SCN1A: variants seen among roughly 807,000 people sequenced by gnomAD.
The protein encoded by SCN1A is sodium channel protein type 1 subunit alpha.
SCN1A carries 13 observed loss-of-function variants against 193.7 expected under a neutral mutation model. The ratio of observed to expected loss-of-function variants is 0.07; its 90% CI spans 0.04 to 0.11. The LOEUF (loss-of-function observed/expected upper bound fraction) is 0.11. Among genes scored for constraint, SCN1A ranks in the 10% least tolerant of loss-of-function variants. The pLI is 1.00. For missense variants in SCN1A, 1,432 were observed against 2,451.1 expected (o/e 0.58, Z 8.78); for synonymous variants, 781 against 843.6 (o/e 0.93, Z 1.29).
chr2:166,052,294 T>G (rs190300435), intron 8 of SCN1A, among the ~76,000 whole-genome samples: 74 of 152,132 alleles, frequency 4.9e-4, no homozygotes, highest in Admixed American at 1.9e-3. Flanking sequence ...CTACTGAAAC[T>G]TGTCTCATAT....
chr2:166,030,220 C>T (rs552749074), intron 19 of SCN1A, among the ~76,000 whole-genome samples: 1 of 152,296 alleles, frequency 6.6e-6, no homozygotes, highest in South Asian at 2.1e-4. Flanking sequence ...GGACCAACCA[C>T]TTACTGTTTG....
At chr2:166,144,430 T>C (rs1191857400) in intron 1 of SCN1A, among the ~76,000 whole-genome samples, 5 of 152,200 alleles carry the variant, frequency 3.3e-5, no homozygotes, top group Admixed American at 3.3e-4. Flanking sequence ...CCTATTCCCA[T>C]GGAGTTTTTT....
At chr2:166,015,292 G>A (rs892081549) in intron 20 of SCN1A, among the ~76,000 whole-genome samples, 2 of 151,856 alleles carry the variant, frequency 1.3e-5, no homozygotes, top group Non-Finnish European at 2.9e-5. Context: ...CAAATTCTGT[G>A]TAGGATCATT....
chr2:166,104,790 C>T (rs982305210), intron 2 of SCN1A, among the ~76,000 whole-genome samples: 1 of 152,018 alleles, frequency 6.6e-6, no homozygotes, highest in Non-Finnish European at 1.5e-5. Flanking sequence ...ACTATGAGAC[C>T]GCCAAATGAT....
intron 2 of SCN1A, among the ~76,000 whole-genome samples, chr2:166,110,359 A>G (rs766670545): frequency 2.4e-4 from 36 of 152,194 alleles, no homozygotes; most frequent in Non-Finnish European, 2.9e-4. Context: ...TGAATGAAAA[A>G]GAAATATTCT....
chr2:166,085,990 G>C (rs764540629), intron 2 of SCN1A, among the ~76,000 whole-genome samples: 1 of 152,064 alleles, frequency 6.6e-6, no homozygotes, highest in Non-Finnish European at 1.5e-5. Context: ...TAAATTTTCT[G>C]TATGTTATTT....
chr2:166,009,657 T>G, intron 23 of SCN1A, 62 bp downstream of exon 23: 1 of 1,507,210 alleles, frequency 6.6e-7, no homozygotes, highest in Non-Finnish European at 8.9e-7. Flanking sequence ...TTCCTTTTTC[T>G]AAATTTAATT....
At chr2:166,012,412 CTT>C (rs576265429) in intron 21 of SCN1A, 130 bp from the exon 22 acceptor site, 74 of 551,846 alleles carry the variant, frequency 1.3e-4, no homozygotes, top group Non-Finnish European at 1.6e-4. Flanking sequence ...GTTACTGTTA[CTT>C]TTTTTTTTTC....
At chr2:166,077,477 A>G (rs994445011) in intron 3 of SCN1A, among the ~76,000 whole-genome samples, 1 of 151,970 alleles carries the variant, frequency 6.6e-6, no homozygotes, top group Non-Finnish European at 1.5e-5. Flanking sequence ...CCCCACATCC[A>G]TCATATGTCA....
chr2:166,120,589 C>CTTTTCTCTTTTTTT (rs1558889846), intron 2 of SCN1A, among the ~76,000 whole-genome samples: 19 of 105,220 alleles, frequency 1.8e-4, no homozygotes, highest in African/African-American at 6.5e-4. Context: ...TTTCTTTTTT[C>CTTTTCTCTTTTTTT]TTTTCTCTTT....
chr2:166,050,467 T>G (rs919577330), intron 9 of SCN1A, among the ~76,000 whole-genome samples: 1 of 150,830 alleles, frequency 6.6e-6, no homozygotes, highest in African/African-American at 2.4e-5. Context: ...ATAACCCTCA[T>G]AGTCAGTATT....
rs1192335240 is a variant in SCN1A at position 166,007,659 on chromosome 2, ACTT to A, written c.4002+2057_4002+2059del. 3.3e-5 allele frequency among the ~76,000 whole-genome samples: 5 copies of A among 151,368 alleles called. No homozygotes were observed. The highest frequency in any genetic ancestry group is 7.4e-5 in the Non-Finnish European group (5 of 67,536). On this transcript the variant is annotated intron_variant, in intron 23 of 28. Transcript: ENST00000674923. ...ATGATAATTTATTTGTTACTTTCTA[ACTT>A]CTTATCAAGCACTGTACAACATGCT...
chr2:166,047,606 G>C, intron 11 of SCN1A, 21 bp downstream of exon 11: 2 of 1,612,470 alleles, frequency 1.2e-6, no homozygotes, highest in South Asian at 2.2e-5. Flanking sequence ...TAAATGGAGA[G>C]TGTGGCTCTT....
intron 1 of SCN1A, among the ~76,000 whole-genome samples, chr2:166,140,651 A>G (rs1369727526): frequency 6.6e-6 from 1 of 152,232 alleles, no homozygotes; most frequent in Non-Finnish European, 1.5e-5. Flanking sequence ...CAGAAGTCTA[A>G]ATTTGTTAGA....
chr2:166,041,107 G>T, intron 16 of SCN1A, 124 bp downstream of exon 16: 1 of 784,192 alleles, frequency 1.3e-6, no homozygotes, highest in Non-Finnish European at 2.2e-6. Flanking sequence ...AAATATAATT[G>T]CGATTTTGCA....
chr2:166,077,539 T>C (rs1172410909), intron 3 of SCN1A, among the ~76,000 whole-genome samples, 171 bp downstream of exon 3: 1 of 151,924 alleles, frequency 6.6e-6, no homozygotes, highest in African/African-American at 2.4e-5. Flanking sequence ...CTCATTAGAA[T>C]GGTCGAAGTC....
chr2:166,045,093 T>C lies in SCN1A; in HGVS notation c.1612A>G (p.Ile538Val), dbSNP rs1574223521. The C allele has an allele frequency of 3.1e-6, 5 of 1,614,206 alleles. No homozygotes were observed. Among genetic ancestry groups the C allele is most frequent in the South Asian group, 1.1e-5 (1 of 91,082 alleles). Reference protein sequence around the residue: ...SIRRKGFRFSIEGNRLTYEKR... With the variant: ...SIRRKGFRFSVEGNRLTYEKR... ...TCATATGTCAATCGGTTCCCTTCAA[T>C]GGAGAAGCGAAAACCTTTCCTCCTG... The change falls in exon 13 of 29, where the codon ATT becomes GTT. Residue 538 changes from isoleucine to valine, a missense_variant. This residue lies in a region of SCN1A where 316 missense variants were observed against 362.1 expected (regional missense o/e 0.87). Coordinates refer to ENST00000674923, the MANE Select transcript of SCN1A (RefSeq NM_001165963.4).
intron 20 of SCN1A, among the ~76,000 whole-genome samples, chr2:166,014,194 A>G (rs541881856): frequency 6.6e-6 from 1 of 151,774 alleles, no homozygotes; most frequent in Admixed American, 6.6e-5. Context: ...CTTGTACCAT[A>G]TCATCCTGTT....
intron 4 of SCN1A, among the ~76,000 whole-genome samples, chr2:166,065,142 G>A (rs1683701151): frequency 6.6e-6 from 1 of 152,148 alleles, no homozygotes; most frequent in Non-Finnish European, 1.5e-5. Context: ...GTGTAAGAAA[G>A]TGTTACTCTG....
Sources: allele counts gnomAD v4.1 joint callset (sites outside exome capture counted in the v4.1 genomes callset), GRCh38; gene constraint gnomAD v4.1.1; regional missense constraint gnomAD v4.1.1; transcripts MANE v1.5; gene names NCBI Gene and HGNC (gene_info 2026-07-23, HGNC 2026-07-21).